CNTN3: variants seen among roughly 807,000 people sequenced by gnomAD.
CNTN3 encodes contactin-3.
Under a neutral mutation model 119.1 loss-of-function variants are expected in CNTN3, and 60 were observed. The ratio of observed to expected loss-of-function variants is 0.50; its 90% CI spans 0.41 to 0.62. The LOEUF (loss-of-function observed/expected upper bound fraction) is 0.62. CNTN3 is among the 20% of genes least tolerant of loss of function. The probability of loss-of-function intolerance (pLI) is 0.00; values close to 1 mark genes in which losing one functional copy is unlikely to be tolerated. For missense variants in CNTN3, 1,101 were observed against 1,242.4 expected (o/e 0.89, Z 1.71); for synonymous variants, 450 against 438.7 (o/e 1.03, Z -0.32).
At chr3:74,406,836 A>G (rs1446957524) in intron 5 of CNTN3, among the ~76,000 whole-genome samples, 1 of 152,192 alleles carries the variant, frequency 6.6e-6, no homozygotes, top group Non-Finnish European at 1.5e-5. Flanking sequence ...GCTAGTAATT[A>G]TTTTGTTTCT....
chr3:74,505,802 ATTAAG>A (rs1703249066), intron 2 of CNTN3, among the ~76,000 whole-genome samples: 1 of 152,180 alleles, frequency 6.6e-6, no homozygotes, highest in Admixed American at 6.5e-5. Context: ...TTAGCAAGCA[ATTAAG>A]TTAAAAGAAA....
intron 4 of CNTN3, among the ~76,000 whole-genome samples, chr3:74,451,346 C>T (rs1237898559): frequency 6.6e-6 from 1 of 152,120 alleles, no homozygotes; most frequent in Non-Finnish European, 1.5e-5. Context: ...CCATTGCCCC[C>T]TTTTTGATGG....
At chr3:74,592,184 G>C (rs982960431) in intron 1 of CNTN3, among the ~76,000 whole-genome samples, 1 of 151,844 alleles carries the variant, frequency 6.6e-6, no homozygotes, top group Non-Finnish European at 1.5e-5. Flanking sequence ...TTGACATTAA[G>C]AAACTGCTTG....
At chr3:74,608,942 G>C (rs191313256) in intron 1 of CNTN3, among the ~76,000 whole-genome samples, 83 of 152,242 alleles carry the variant, frequency 5.5e-4, no homozygotes, top group African/African-American at 1.9e-3. Flanking sequence ...GACAGTCAAG[G>C]CTACCTGGAG....
intron 18 of CNTN3, among the ~76,000 whole-genome samples, chr3:74,296,753 G>T (rs1170545135): frequency 6.6e-6 from 1 of 152,050 alleles, no homozygotes; most frequent in Non-Finnish European, 1.5e-5. Flanking sequence ...CTTTCACAAG[G>T]CTTCCATTTT....
At chr3:74,337,475 G>A (rs1374527378) in intron 11 of CNTN3, among the ~76,000 whole-genome samples, 2 of 152,080 alleles carry the variant, frequency 1.3e-5, no homozygotes, top group Non-Finnish European at 2.9e-5. Context: ...AGAAAAAGGA[G>A]ATTTAACAGA....
chr3:74,444,524 C>T (rs1355109304), intron 4 of CNTN3, among the ~76,000 whole-genome samples: 2 of 151,762 alleles, frequency 1.3e-5, no homozygotes, highest in Admixed American at 1.3e-4. Context: ...ATAGACCTTC[C>T]TTGTTTACTT....
intron 1 of CNTN3, among the ~76,000 whole-genome samples, chr3:74,588,484 T>C (rs1313535158): frequency 7.9e-5 from 12 of 152,096 alleles, no homozygotes; most frequent in Admixed American, 4.6e-4. Context: ...GAACATTCCA[T>C]GCTCATGGGT....
In CNTN3 at chr3:74,334,953, G is replaced by A. The variant is rs764546548; in HGVS notation, c.1493-43C>T. The A allele has an allele frequency of 3.3e-6, 5 of 1,496,288 alleles. No individual in the cohort carries two copies. In the East Asian group the frequency reaches 9.1e-5, roughly 27 times the overall value. 92.7% of individuals were successfully genotyped at this position (1,496,288 alleles called of 1,614,324 possible). A position where few individuals can be genotyped will look rare whatever the true frequency, so the allele number is the denominator to read the frequency against. ...TTTCAGAAAAACAGCATTTTATTGTGATAAAAGACATTTGCACAGGCAGAC... is the reference window on the plus strand; with the variant it reads ...TTTCAGAAAAACAGCATTTTATTGTAATAAAAGACATTTGCACAGGCAGAC... On this transcript the variant is annotated intron_variant, in intron 12 of 22. Coordinates refer to ENST00000263665, the MANE Select transcript of CNTN3 (RefSeq NM_020872.3).
At position 74,318,494 on chromosome 3, in the gene CNTN3, G is replaced by T. The variant is rs1101692; in HGVS notation, c.1669-15687C>A. On this transcript the variant is annotated intron_variant, in intron 13 of 22. Transcript: ENST00000263665. Reference sequence around the variant, plus strand: ...TATCTACTTGTCGTCTTTGATGATGGTCACGTACAGAGGGGTTTTTGGTGT... The same window carrying T: ...TATCTACTTGTCGTCTTTGATGATGTTCACGTACAGAGGGGTTTTTGGTGT... Among the ~76,000 whole-genome samples, 39 of 152,046 alleles carry T rather than the reference G, an allele frequency of 2.6e-4. 1 individual carries two copies. The highest frequency in any genetic ancestry group is 8.7e-4 in the African/African-American group (36 of 41,464).
At chr3:74,271,815 A>G (rs944111108) in intron 20 of CNTN3, among the ~76,000 whole-genome samples, 16 of 152,200 alleles carry the variant, frequency 1.1e-4, no homozygotes, top group African/African-American at 2.9e-4. Context: ...CACCCCCCCA[A>G]TAGTAAGATA....
Position 74,499,795 on chromosome 3 carries a change from T to A in CNTN3, c.56-10A>T, listed in dbSNP as rs9879863. 9.3e-4 allele frequency: 1,471 copies of A among 1,581,588 alleles called. 22 individuals carry two copies. In the African/African-American group the frequency reaches 0.017, roughly 18 times the overall value. On this transcript the variant is annotated splice_polypyrimidine_tract_variant and intron_variant, in intron 2 of 22. Transcript: ENST00000263665. The stretch of plus-strand genomic sequence containing the variant: ...TGTAAGAGAAGCTCACCTATATGGG[T>A]GGGAGACATCCAAAAAATAATAATC...
chr3:74,363,786 T>C (rs975275309), intron 10 of CNTN3, among the ~76,000 whole-genome samples: 1 of 152,096 alleles, frequency 6.6e-6, no homozygotes, highest in African/African-American at 2.4e-5. Context: ...TTCTCCATTT[T>C]AATAACATGG....
intron 1 of CNTN3, among the ~76,000 whole-genome samples, chr3:74,525,345 A>C (rs1237593220): frequency 6.6e-6 from 1 of 151,870 alleles, no homozygotes; most frequent in South Asian, 2.1e-4. Context: ...AGTTTTTTTT[A>C]AATTATGTTG....
chr3:74,466,164 C>A (rs116388808), intron 4 of CNTN3, among the ~76,000 whole-genome samples: 3,135 of 152,106 alleles, frequency 0.021, 94 homozygotes, highest in African/African-American at 0.067. Context: ...GGAGAAAATA[C>A]GTGAGTTTAG....
chr3:74,316,134 A>G (rs1456915054), intron 13 of CNTN3, among the ~76,000 whole-genome samples: 1 of 152,164 alleles, frequency 6.6e-6, no homozygotes, highest in African/African-American at 2.4e-5. Flanking sequence ...AGGAACTTAA[A>G]TCAACAATCA....
At chr3:74,496,991 T>A (rs1703077645) in intron 3 of CNTN3, among the ~76,000 whole-genome samples, 1 of 152,166 alleles carries the variant, frequency 6.6e-6, no homozygotes, top group African/African-American at 2.4e-5. Flanking sequence ...GACATTCTTT[T>A]ACAAGATTCT....
At chr3:74,426,700 T>C (rs1701700911) in intron 4 of CNTN3, among the ~76,000 whole-genome samples, 1 of 152,200 alleles carries the variant, frequency 6.6e-6, no homozygotes, top group Non-Finnish European at 1.5e-5. Flanking sequence ...TACAATAACA[T>C]AGCGTTGTAT....
chr3:74,322,210 T>C (rs482081), intron 13 of CNTN3, among the ~76,000 whole-genome samples: 44,926 of 147,766 alleles, frequency 0.3, 7,523 homozygotes, highest in East Asian at 0.72. Context: ...AATGAGAAGA[T>C]GAGCCATAGA....
Sources: allele counts gnomAD v4.1 joint callset (sites outside exome capture counted in the v4.1 genomes callset), GRCh38; gene constraint gnomAD v4.1.1; transcripts MANE v1.5; gene names NCBI Gene and HGNC (gene_info 2026-07-23, HGNC 2026-07-21).